NCOA3: variants seen among roughly 807,000 people sequenced by gnomAD.
The protein encoded by NCOA3 is nuclear receptor coactivator 3.
Under a neutral mutation model 158.8 loss-of-function variants are expected in NCOA3, and 51 were observed. The ratio of observed to expected loss-of-function variants is 0.32; its 90% CI spans 0.26 to 0.41. NCOA3 has a LOEUF of 0.41. NCOA3 is among the 10% of genes least tolerant of loss of function. NCOA3 has a pLI of 1.00. For synonymous variants in NCOA3, 537 were observed against 592.4 expected, an observed-to-expected ratio of 0.91 and a Z score of 1.36; for missense variants, 1,510 against 1,746.6, an observed-to-expected ratio of 0.86 and a Z score of 2.41.
At chr20:47,616,987 C>T (rs2146288422) in intron 2 of NCOA3, among the ~76,000 whole-genome samples, 1 of 152,276 alleles carries the variant, frequency 6.6e-6, no homozygotes, top group Admixed American at 6.5e-5. Context: ...CGGAGTCTCA[C>T]TCTGTCATCC....
chr20:47,655,333 C>G lies in NCOA3; in HGVS notation c.*1916C>G, dbSNP rs1178481315. On this transcript the variant is annotated 3_prime_UTR_variant, in exon 23 of 23. Transcript: ENST00000371998. ...TGTGAATTTCAGAGGTCTCTGCTAG[C>G]CTTGGTATCATTTTCTAGCAATAAC... 6.6e-6 allele frequency: 1 copy of G among 152,160 alleles called. No homozygotes were observed. The highest frequency in any genetic ancestry group is 1.9e-4 in the East Asian group (1 of 5,198). 9.4% of individuals were successfully genotyped at this position (152,160 alleles called of 1,614,324 possible).
At chr20:47,569,496 A>G (rs748545381) in intron 1 of NCOA3, among the ~76,000 whole-genome samples, 1 of 151,758 alleles carries the variant, frequency 6.6e-6, no homozygotes, top group Non-Finnish European at 1.5e-5. Context: ...CCTGGCTAAC[A>G]TGGTGAAACC....
rs1216860862 is a variant in NCOA3 at position 47,654,729 on chromosome 20, G to C, written c.*1312G>C. 1 of 152,028 alleles carries C rather than the reference G, an allele frequency of 6.6e-6. No individual in the cohort carries two copies. The highest frequency in any genetic ancestry group is 6.6e-5 in the Admixed American group (1 of 15,242). 9.4% of individuals were successfully genotyped at this position (152,028 alleles called of 1,614,324 possible). A position where few individuals can be genotyped will look rare whatever the true frequency, so the allele number is the denominator to read the frequency against. ...CAGAACTAAGCACTTTGTTAATTTG[G>C]GGGGAAAGAATAGATATGGGGAAAT... On this transcript the variant is annotated 3_prime_UTR_variant, in exon 23 of 23. Coordinates refer to ENST00000371998, the MANE Select transcript of NCOA3 (RefSeq NM_181659.3).
In NCOA3 at chr20:47,639,655, G is replaced by A. The variant is rs762101657; in HGVS notation, c.2786G>A (p.Arg929Lys). ...GGCTTACCAAACTCAAAGGCCGGCAGAATGGAACCTATGAATTCAAACTCC... is the reference window on the plus strand; with the variant it reads ...GGCTTACCAAACTCAAAGGCCGGCAAAATGGAACCTATGAATTCAAACTCC... The part of the protein sequence containing the change: ...DWGLPNSKAG[R>K]MEPMNSNSMG... Residue 929 changes from arginine (R) to lysine (K), a missense_variant, in exon 15 of 23, where the codon AGA becomes AAA. Physicochemically the swap from Arg to Lys is conservative, Grantham distance 26. Around this residue, in one of 4 missense-constraint regions of NCOA3, gnomAD observed 1,017 missense variants for 1,098.3 expected, o/e 0.93. Coordinates refer to ENST00000371998, the MANE Select transcript of NCOA3 (RefSeq NM_181659.3). The A allele has an allele frequency of 3.1e-6, 5 of 1,613,984 alleles. No homozygotes were observed. Among genetic ancestry groups the A allele is most frequent in the Non-Finnish European group, 4.2e-6 (5 of 1,179,924 alleles).
intron 2 of NCOA3, among the ~76,000 whole-genome samples, chr20:47,618,335 T>C (rs944054675): frequency 1.3e-5 from 2 of 150,712 alleles, no homozygotes; most frequent in Non-Finnish European, 2.9e-5. Context: ...TTTTAAGTTA[T>C]TATTTTCCCT....
chr20:47,646,920 C>T (rs926437722), intron 17 of NCOA3, among the ~76,000 whole-genome samples, 153 bp from the exon 18 acceptor site: 1 of 152,142 alleles, frequency 6.6e-6, no homozygotes, highest in East Asian at 1.9e-4. Context: ...TGAATGTATC[C>T]TTAGCATGTA....
intron 6 of NCOA3, 81 bp from the exon 7 acceptor site, chr20:47,627,480 A>G (rs1254662113): frequency 4.4e-6 from 5 of 1,126,804 alleles, no homozygotes; most frequent in African/African-American, 1.6e-5. Context: ...CATAATGAGA[A>G]AATGCAGCTT....
intron 2 of NCOA3, among the ~76,000 whole-genome samples, chr20:47,597,842 C>G (rs2085786988): frequency 1.3e-5 from 2 of 151,904 alleles, no homozygotes; most frequent in Non-Finnish European, 2.9e-5. Flanking sequence ...CTTACATTAC[C>G]CATCTCTTCT....
At chr20:47,570,183 G>A (rs2085269242) in intron 1 of NCOA3, among the ~76,000 whole-genome samples, 1 of 152,156 alleles carries the variant, frequency 6.6e-6, no homozygotes, top group African/African-American at 2.4e-5. Flanking sequence ...TTAAGGCTGG[G>A]TGTGGTGGCT....
chr20:47,559,741 C>G (rs2085068763), intron 1 of NCOA3, among the ~76,000 whole-genome samples: 1 of 152,080 alleles, frequency 6.6e-6, no homozygotes, highest in African/African-American at 2.4e-5. Flanking sequence ...AAATTAGCCT[C>G]CCAGGTTCCA....
At chr20:47,622,508 T>A (rs1448511855) in intron 3 of NCOA3, among the ~76,000 whole-genome samples, 178 bp downstream of exon 3, 2 of 152,204 alleles carry the variant, frequency 1.3e-5, no homozygotes, top group Admixed American at 6.5e-5. Flanking sequence ...GTTTTTTTTT[T>A]ATTGCTGATT....
intron 1 of NCOA3, among the ~76,000 whole-genome samples, chr20:47,519,324 C>T (rs1179076594): frequency 6.6e-6 from 1 of 150,748 alleles, no homozygotes; most frequent in Non-Finnish European, 1.5e-5. Context: ...CCCAGTTACT[C>T]AGGAGGCTGA....
chr20:47,583,147 A>G, intron 1 of NCOA3, 36 bp from the exon 2 acceptor site: 1 of 398,642 alleles, frequency 2.5e-6, no homozygotes, highest in Non-Finnish European at 4.4e-6. Context: ...AGAAAAGACA[A>G]TAAAATTCAA....
intron 1 of NCOA3, among the ~76,000 whole-genome samples, chr20:47,582,687 A>G (rs1431547102): frequency 3.9e-5 from 6 of 152,190 alleles, no homozygotes; most frequent in Non-Finnish European, 7.3e-5. Flanking sequence ...CTTTTCAAAC[A>G]GAAGTAGTGA....
At chr20:47,516,506 C>A (rs77339605) in intron 1 of NCOA3, among the ~76,000 whole-genome samples, 10,230 of 152,108 alleles carry the variant, frequency 0.067, 439 homozygotes, top group Non-Finnish European at 0.097. Flanking sequence ...AAATAAGATA[C>A]ACACATAGAA....
chr20:47,531,761 C>T (rs1010296665), intron 1 of NCOA3, among the ~76,000 whole-genome samples: 5 of 152,176 alleles, frequency 3.3e-5, no homozygotes, highest in African/African-American at 4.8e-5. Flanking sequence ...CCTAAATTTC[C>T]GTCTGGCTTG....
chr20:47,547,404 ATATTATTATTAT>A (rs200074877), intron 1 of NCOA3, among the ~76,000 whole-genome samples: 9 of 146,524 alleles, frequency 6.1e-5, no homozygotes, highest in Non-Finnish European at 1.0e-4. Flanking sequence ...TTTTATTTTT[ATATTATTATTAT>A]TATTATTATT....
In NCOA3 at chr20:47,635,517, C is replaced by T; in HGVS notation, c.1308C>T (p.Ser436=). 4 of 1,614,094 alleles carry T rather than the reference C, an allele frequency of 2.5e-6. No homozygotes were observed. The highest frequency in any genetic ancestry group is 3.3e-4 in the Middle Eastern group (2 of 6,062). ...TGAGTGGAGCTAGGTATGGGGGTTC[C>T]AGTAACATAGCTTCATTGACCCCTG... The part of the protein sequence containing the change: ...GQMSGARYGG[S]SNIASLTPGP... The change falls in exon 11 of 23, where the codon TCC becomes TCT. Residue 436 remains serine, a synonymous_variant. Coordinates refer to ENST00000371998, the MANE Select transcript of NCOA3 (RefSeq NM_181659.3).
At chr20:47,547,500 C>T (rs1222133108) in intron 1 of NCOA3, among the ~76,000 whole-genome samples, 1 of 151,942 alleles carries the variant, frequency 6.6e-6, no homozygotes, top group African/African-American at 2.4e-5. Context: ...GCAAGCTCCA[C>T]CTCCCGGGTT....
Sources: allele counts gnomAD v4.1 joint callset (sites outside exome capture counted in the v4.1 genomes callset), GRCh38; gene constraint gnomAD v4.1.1; regional missense constraint gnomAD v4.1.1; transcripts MANE v1.5; gene names NCBI Gene and HGNC (gene_info 2026-07-23, HGNC 2026-07-21).